Variants in TUBGCP4 observed in about 807,000 individuals in gnomAD.
TUBGCP4 encodes the protein tubulin gamma complex component 4, also known as gamma-tubulin complex component 4.
Under a neutral mutation model 91.6 loss-of-function variants are expected in TUBGCP4, and 54 were observed. The observed-to-expected ratio is 0.59, with a 90% CI of 0.47 to 0.74. TUBGCP4 has a LOEUF of 0.74. Among genes scored for constraint, TUBGCP4 ranks in the 30% least tolerant of loss-of-function variants. The probability of loss-of-function intolerance (pLI) is 0.00; values close to 1 mark genes in which losing one functional copy is unlikely to be tolerated. For synonymous variants in TUBGCP4, 297 were observed against 302.8 expected, an observed-to-expected ratio of 0.98 and a Z score of 0.20; for missense variants, 593 against 800.9, an observed-to-expected ratio of 0.74 and a Z score of 3.13.
At position 43,371,136 on chromosome 15, in the gene TUBGCP4, A is replaced by AC; in HGVS notation, c.-215dup. 1.7e-6 allele frequency: 1 copy of AC among 603,160 alleles called. No individual in the cohort carries two copies. 37.4% of individuals were successfully genotyped at this position (603,160 alleles called of 1,614,324 possible). ...GAGCCCGGGCGGGAGTAGCTGGTGG[A>AC]CCCCGTTGAGCTGCCGAACTTCCGG... On this transcript the variant is annotated 5_prime_UTR_variant, in exon 1 of 18. Transcript: ENST00000564079.
Position 43,408,683 on chromosome 15 carries a change from T to C in TUBGCP4, c.*3469T>C, listed in dbSNP as rs748030890. 3.6e-6 allele frequency: 2 copies of C among 562,748 alleles called. No homozygotes were observed. Among genetic ancestry groups the C allele is most frequent in the East Asian group, 3.0e-5 (1 of 33,470 alleles). 34.9% of individuals were successfully genotyped at this position (562,748 alleles called of 1,614,324 possible). On this transcript the variant is annotated 3_prime_UTR_variant, in exon 18 of 18. Transcript: ENST00000564079. Reference sequence around the variant, plus strand: ...TTACAGGTTGAGAATATTGAACCTATATACAAATCTTCACACATTTGCAAA... The same window carrying C: ...TTACAGGTTGAGAATATTGAACCTACATACAAATCTTCACACATTTGCAAA...
intron 6 of TUBGCP4, among the ~76,000 whole-genome samples, chr15:43,382,926 AT>A (rs1281141904): frequency 6.6e-6 from 1 of 152,236 alleles, no homozygotes; most frequent in Non-Finnish European, 1.5e-5. Context: ...AATAAAACAA[AT>A]TTAATACTGT....
chr15:43,397,263 T>C lies in TUBGCP4; in HGVS notation c.1221T>C (p.Asp407=), dbSNP rs932990422. 2 of 1,614,068 alleles carry C rather than the reference T, an allele frequency of 1.2e-6. No individual in the cohort carries two copies. The highest frequency in any genetic ancestry group is 2.7e-5 in the African/African-American group (2 of 74,920). ...QQSAHKVLLD[D]DNLLPLLHLT... ...CAGCACACAAGGTATTGCTAGATGA[T>C]GACAACCTTCTCCCTCTGTTGCACT... Residue 407 remains aspartate, a synonymous_variant, in exon 12 of 18, where the codon GAT becomes GAC. Transcript: ENST00000564079.
At chr15:43,371,464 G>A in intron 1 of TUBGCP4, 32 bp downstream of exon 1, 1 of 1,611,196 alleles carries the variant, frequency 6.2e-7, no homozygotes, top group South Asian at 1.1e-5. Context: ...GGGAACCAGG[G>A]AGCGCAGGAG....
chr15:43,381,534 C>T (rs1173994341), intron 6 of TUBGCP4, among the ~76,000 whole-genome samples: 3 of 151,880 alleles, frequency 2.0e-5, no homozygotes, highest in Non-Finnish European at 4.4e-5. Context: ...CCCAGGAGTT[C>T]GAGACCAGCC....
chr15:43,404,596 C>G (rs1462748563), intron 17 of TUBGCP4, 44 bp downstream of exon 17: 2 of 1,600,080 alleles, frequency 1.2e-6, no homozygotes, highest in South Asian at 2.2e-5. Context: ...TTTAAGGTGG[C>G]TTTTTAATGA....
At chr15:43,393,271 G>A (rs1296938958) in intron 9 of TUBGCP4, among the ~76,000 whole-genome samples, 68 of 148,748 alleles carry the variant, frequency 4.6e-4, no homozygotes, top group Non-Finnish European at 2.5e-4. Flanking sequence ...GTGCAGTGGC[G>A]CGGTCTCTGC....
At chr15:43,392,118 ACATAT>A (rs1486272384) in intron 9 of TUBGCP4, among the ~76,000 whole-genome samples, 1 of 147,904 alleles carries the variant, frequency 6.8e-6, no homozygotes, top group Non-Finnish European at 1.5e-5. Flanking sequence ...ACACACACAC[ACATAT>A]TTTTTTTTGT....
chr15:43,407,263 A>AAAT lies in TUBGCP4; in HGVS notation c.*2052_*2054dup. On this transcript the variant is annotated 3_prime_UTR_variant, in exon 18 of 18. Coordinates refer to ENST00000564079, the MANE Select transcript of TUBGCP4 (RefSeq NM_014444.5). ...ATTTATTTTATCATAAAAGTTCAGC[A>AAAT]AATAAAACTATATACAAGATCCATG... The AAAT allele has an allele frequency of 2.5e-6, 2 of 813,938 alleles. No homozygotes were observed. The highest frequency in any genetic ancestry group is 3.9e-6 in the Non-Finnish European group (2 of 514,858). The allele number at this position is 813,938 out of a possible 1,614,324, so 50.4% of individuals were successfully genotyped here.
In TUBGCP4 at chr15:43,403,501, GT is replaced by G. The variant is rs975040445; in HGVS notation, c.1732-178del. ...CGCTTAGCCAGGAAAGGATGCATTT[GT>G]TTTACGCATTTTGTGCGTCTGAGGG... is the stretch of plus-strand genomic sequence containing the variant. On this transcript the variant is annotated intron_variant, in intron 15 of 17. Transcript: ENST00000564079. The G allele has an allele frequency of 7.1e-6, 4 of 566,356 alleles. No homozygotes were observed. In the Admixed American group the frequency reaches 9.4e-5, roughly 13 times the overall value. 35.1% of individuals were successfully genotyped at this position (566,356 alleles called of 1,614,324 possible). A position where few individuals can be genotyped will look rare whatever the true frequency, so the allele number is the denominator to read the frequency against.
chr15:43,392,950 C>CA (rs1160242080), intron 9 of TUBGCP4, among the ~76,000 whole-genome samples: 1 of 152,148 alleles, frequency 6.6e-6, no homozygotes, highest in Non-Finnish European at 1.5e-5. Flanking sequence ...TGACAGTCCC[C>CA]AAGCAGCCAC....
rs750505801 is a variant in TUBGCP4 at position 43,377,026 on chromosome 15, C to A, written c.343C>A (p.Pro115Thr). ...LDLEQEFLGD[P>T]HLSISHVNYF... The stretch of plus-strand genomic sequence containing the variant: ...TTTTTTATTGCAGTTCCTGGGTGAT[C>A]CCCATCTCTCCATATCACATGTCAA... The change falls in exon 4 of 18, where the codon CCC becomes ACC. Residue 115 changes from proline (P) to threonine (T), a missense_variant. Pro to Thr is a conservative substitution (Grantham distance 38). Transcript: ENST00000564079. 78 of 1,613,618 alleles carry A rather than the reference C, an allele frequency of 4.8e-5. No individual in the cohort carries two copies. The highest frequency in any genetic ancestry group is 3.6e-5 in the Non-Finnish European group (43 of 1,179,696).
chr15:43,398,675 C>T (rs1451949047), intron 13 of TUBGCP4, among the ~76,000 whole-genome samples: 2 of 152,152 alleles, frequency 1.3e-5, no homozygotes, highest in African/African-American at 4.8e-5. Flanking sequence ...ATGATTCCAT[C>T]ACACCTGACA....
chr15:43,409,576 G>T lies in TUBGCP4; in HGVS notation c.*4362G>T. On this transcript the variant is annotated 3_prime_UTR_variant, in exon 18 of 18. Transcript: ENST00000564079. ...ATCCAGGTTCCCCAACCCCTCCCAG[G>T]CCTCTTCTCAACACAGCAAGTTGGC... is the stretch of plus-strand genomic sequence containing the variant. 1 of 809,542 alleles carries T rather than the reference G, an allele frequency of 1.2e-6. No individual in the cohort carries two copies. The highest frequency in any genetic ancestry group is 1.9e-6 in the Non-Finnish European group (1 of 526,742). The allele number at this position is 809,542 out of a possible 1,614,324, so 50.1% of individuals were successfully genotyped here.
Position 43,376,975 on chromosome 15 carries a change from T to C in TUBGCP4, c.331-39T>C, listed in dbSNP as rs1349495330. Reference sequence around the variant, plus strand: ...TCATAGATCAAATAGATTTGAGATATTTTGTGTGGAGCTCTAATCACAAAG... The same window carrying C: ...TCATAGATCAAATAGATTTGAGATACTTTGTGTGGAGCTCTAATCACAAAG... On this transcript the variant is annotated intron_variant, in intron 3 of 17. Coordinates refer to ENST00000564079, the MANE Select transcript of TUBGCP4 (RefSeq NM_014444.5). The C allele has an allele frequency of 2.0e-6, 3 of 1,515,178 alleles. No homozygotes were observed. In the Admixed American group the frequency reaches 5.1e-5, roughly 26 times the overall value. 93.9% of individuals were successfully genotyped at this position (1,515,178 alleles called of 1,614,324 possible).
intron 6 of TUBGCP4, among the ~76,000 whole-genome samples, chr15:43,382,806 A>G (rs1162167631): frequency 6.6e-6 from 1 of 152,118 alleles, no homozygotes; most frequent in Non-Finnish European, 1.5e-5. Context: ...CTATTCCCCA[A>G]CAACCATTCT....
Position 43,405,312 on chromosome 15 carries a change from G to A in TUBGCP4, c.*98G>A. 1 of 1,398,542 alleles carries A rather than the reference G, an allele frequency of 7.2e-7. No individual in the cohort carries two copies. The allele number at this position is 1,398,542 out of a possible 1,614,324, so 86.6% of individuals were successfully genotyped here. On this transcript the variant is annotated 3_prime_UTR_variant, in exon 18 of 18. Transcript: ENST00000564079. ...TCTAGCCACACACAAATAAATATCT[G>A]CGGCTTAGTGATAGGACTCTACCTT...
At position 43,405,397 on chromosome 15, in the gene TUBGCP4, T is replaced by C. The variant is rs1340319827; in HGVS notation, c.*183T>C. 2 of 645,450 alleles carry C rather than the reference T, an allele frequency of 3.1e-6. No individual in the cohort carries two copies. The highest frequency in any genetic ancestry group is 5.4e-6 in the Non-Finnish European group (2 of 367,460). The allele number at this position is 645,450 out of a possible 1,614,324, so 40.0% of individuals were successfully genotyped here. A position where few individuals can be genotyped will look rare whatever the true frequency, so the allele number is the denominator to read the frequency against. The stretch of plus-strand genomic sequence containing the variant: ...ACAACTCCTTCCCATCATTCCCATG[T>C]GGAAGGGTCTCTCCCATCAAGGAGA... On this transcript the variant is annotated 3_prime_UTR_variant, in exon 18 of 18. Transcript: ENST00000564079.
rs138616933 is a variant in TUBGCP4 at position 43,406,775 on chromosome 15, T to TTTATC, written c.*1565_*1569dup. 10,941 of 362,026 alleles carry TTTATC rather than the reference T, an allele frequency of 0.03. 362 individuals are homozygous for TTTATC. The highest frequency in any genetic ancestry group is 0.087 in the South Asian group (3,902 of 44,854). The allele number at this position is 362,026 out of a possible 1,614,324, so 22.4% of individuals were successfully genotyped here. On this transcript the variant is annotated 3_prime_UTR_variant, in exon 18 of 18. Transcript: ENST00000564079. ...GGTGTTCTCACTTGTGCTTCCCATG[T>TTTATC]TTATCTTACGGAAGGTCATTCCATC...
Sources: gnomAD v4.1 joint callset for allele counts (sites outside exome capture counted in the v4.1 genomes callset) on GRCh38, gnomAD v4.1.1 for gene constraint, MANE v1.5 for transcripts, NCBI Gene and HGNC (gene_info 2026-07-23, HGNC 2026-07-21) for gene names.